Variants in NHSL3 observed in about 807,000 individuals in gnomAD.
The protein encoded by NHSL3 is NHS like 3, also known as NHS-like protein 3.
the NHSL3 span, among the ~76,000 whole-genome samples, chr1:32,752,883 T>G: frequency 1.4e-5 from 2 of 142,664 alleles, no homozygotes; most frequent in South Asian, 2.3e-4. Flanking sequence ...CTGGCGTTTT[T>G]AAAGAAAAAA....
At chr1:32,763,159 T>TAC in the NHSL3 span, among the ~76,000 whole-genome samples, 1 of 151,332 alleles carries the variant, frequency 6.6e-6, no homozygotes, top group African/African-American at 2.4e-5. Flanking sequence ...CATTTTTGTG[T>TAC]TTTTAGTAGA....
At chr1:32,765,844 TG>T in the NHSL3 span, 5 of 1,542,460 alleles carry the variant, frequency 3.2e-6, no homozygotes, top group Non-Finnish European at 1.7e-6. Flanking sequence ...GGGTGTGGCT[TG>T]GGGGGAGGGG....
chr1:32,772,211 C>T, the NHSL3 span: 34 of 1,610,136 alleles, frequency 2.1e-5, no homozygotes, highest in African/African-American at 2.7e-4. Context: ...GAGCAGCGGC[C>T]ACCCCAGGCC....
At chr1:32,772,792 C>T in the NHSL3 span, 1 of 1,429,104 alleles carries the variant, frequency 7.0e-7, no homozygotes, top group South Asian at 1.1e-5. Context: ...TGAGGGTATG[C>T]TTTGTTGGGC....
chr1:32,743,294 G>C, the NHSL3 span, among the ~76,000 whole-genome samples: 1 of 152,222 alleles, frequency 6.6e-6, no homozygotes, highest in Non-Finnish European at 1.5e-5. Flanking sequence ...TCTTCTGGGA[G>C]AGTTAGAAGG....
At chr1:32,770,463 C>A in the NHSL3 span, 2 of 1,598,592 alleles carry the variant, frequency 1.3e-6, no homozygotes, top group Non-Finnish European at 1.7e-6. This position sits in a 1 kb window ranked among gnomAD's most constrained non-coding sequence, Gnocchi z 8.3. Context: ...TTGTGTCTGA[C>A]GGTTCCACCC....
At chr1:32,751,100 C>CT in the NHSL3 span, among the ~76,000 whole-genome samples, 2 of 152,274 alleles carry the variant, frequency 1.3e-5, no homozygotes, top group Middle Eastern at 6.8e-3. Flanking sequence ...CATGAGCCAC[C>CT]GTGCCTGGCC....
chr1:32,753,568 G>A, the NHSL3 span, among the ~76,000 whole-genome samples: 2 of 152,214 alleles, frequency 1.3e-5, no homozygotes, highest in East Asian at 1.9e-4. Context: ...GGTTAGCACA[G>A]AGCCTGGCAC....
At chr1:32,746,882 TC>T in the NHSL3 span, among the ~76,000 whole-genome samples, 1 of 152,242 alleles carries the variant, frequency 6.6e-6, no homozygotes, top group Non-Finnish European at 1.5e-5. Context: ...GGGTATGTAG[TC>T]CTCCTGAGGG....
At chr1:32,762,010 A>G in the NHSL3 span, among the ~76,000 whole-genome samples, 10,642 of 152,288 alleles carry the variant, frequency 0.07, 538 homozygotes, top group Non-Finnish European at 0.1. Flanking sequence ...CATTTACACC[A>G]TGGAGGCCAG....
chr1:32,742,772 A>G, the NHSL3 span, among the ~76,000 whole-genome samples: 1 of 152,038 alleles, frequency 6.6e-6, no homozygotes, highest in Admixed American at 6.6e-5. Context: ...GGCCACAAAC[A>G]TCACCTCCTG....
chr1:32,754,053 C>T, the NHSL3 span: 2 of 633,456 alleles, frequency 3.2e-6, no homozygotes, highest in East Asian at 3.4e-5. Context: ...GCTGGCTGGG[C>T]CGCGCTTGGG....
chr1:32,772,243 C>T, the NHSL3 span: 1 of 1,604,672 alleles, frequency 6.2e-7, no homozygotes, highest in Admixed American at 1.7e-5. Flanking sequence ...ACCTAAGGCT[C>T]CCCCACCTGT....
At chr1:32,771,681 C>G in the NHSL3 span, 5 of 1,611,604 alleles carry the variant, frequency 3.1e-6, no homozygotes, top group Non-Finnish European at 4.2e-6. Flanking sequence ...GTAGCCCAGA[C>G]CCTCCTCCAG....
At chr1:32,754,385 TAC>T in the NHSL3 span, among the ~76,000 whole-genome samples, 2 of 151,982 alleles carry the variant, frequency 1.3e-5, no homozygotes, top group African/African-American at 4.8e-5. Context: ...GTTCGCAGTT[TAC>T]ACAGTCACAC....
At chr1:32,772,277 T>TCCCCCCCCCCCCC in the NHSL3 span, 9 of 1,587,142 alleles carry the variant, frequency 5.7e-6, no homozygotes, top group East Asian at 2.2e-5. Context: ...TCTGTGGGAG[T>TCCCCCCCCCCCCC]CCCCCCACCC....
At chr1:32,772,990 G>C in the NHSL3 span, 1 of 1,155,788 alleles carries the variant, frequency 8.7e-7, no homozygotes, top group Non-Finnish European at 1.3e-6. Flanking sequence ...CAACCTAATA[G>C]AGAGGGCGCC....
At chr1:32,742,779 C>A in the NHSL3 span, among the ~76,000 whole-genome samples, 1 of 152,352 alleles carries the variant, frequency 6.6e-6, no homozygotes, top group East Asian at 1.9e-4. Context: ...AACATCACCT[C>A]CTGGGGTAGT....
chr1:32,748,654 G>T, the NHSL3 span, among the ~76,000 whole-genome samples: 1 of 152,120 alleles, frequency 6.6e-6, no homozygotes, highest in Non-Finnish European at 1.5e-5. Flanking sequence ...AGAGAGTTGG[G>T]GTTGGGCAGT....
Sources: gnomAD v4.1 joint callset for allele counts (sites outside exome capture counted in the v4.1 genomes callset) on GRCh38, gnomAD v4.1.1 for gene constraint, Gnocchi (gnomAD v3.1) non-coding constraint, MANE v1.5 for transcripts, NCBI Gene and HGNC (gene_info 2026-07-23, HGNC 2026-07-21) for gene names.